The following BTRC variants were observed in gnomAD, a reference collection of about 807,000 sequenced individuals.
BTRC encodes beta-transducin repeat containing E3 ubiquitin protein ligase.
Under a neutral mutation model 85.5 loss-of-function variants are expected in BTRC, and 42 were observed. The observed-to-expected ratio is 0.49, with a 90% CI of 0.38 to 0.64. The LOEUF is 0.64. Ranked by LOEUF, BTRC falls within the 30% of genes least tolerant of loss-of-function variation. The probability of loss-of-function intolerance (pLI) is 0.00; values close to 1 mark genes in which losing one functional copy is unlikely to be tolerated. For synonymous variants in BTRC, 255 were observed against 263.3 expected (o/e 0.97, Z 0.30); for missense variants, 594 against 743.5 (o/e 0.80, Z 2.34).
chr10:101,378,528 T>G (rs911969602), intron 1 of BTRC, among the ~76,000 whole-genome samples: 6 of 147,576 alleles, frequency 4.1e-5, no homozygotes, highest in Non-Finnish European at 7.5e-5. Context: ...TAATTTTTTT[T>G]TTTTTTTTTT....
intron 4 of BTRC, among the ~76,000 whole-genome samples, chr10:101,507,669 A>C (rs956331013): frequency 6.6e-6 from 1 of 152,058 alleles, no homozygotes. Context: ...TTGCTGAAGG[A>C]TGTTGGAATA....
intron 1 of BTRC, among the ~76,000 whole-genome samples, chr10:101,371,483 T>G (rs1942634119): frequency 6.6e-6 from 1 of 152,178 alleles, no homozygotes; most frequent in South Asian, 2.1e-4. Flanking sequence ...AGCCTTCTAT[T>G]TTTTTTCCTA....
intron 2 of BTRC, among the ~76,000 whole-genome samples, chr10:101,434,553 A>C (rs1187596234): frequency 6.6e-6 from 1 of 152,186 alleles, no homozygotes; most frequent in Non-Finnish European, 1.5e-5. Context: ...AAGATACAAA[A>C]AATATGAACC....
chr10:101,546,140 T>C (rs899680357), intron 13 of BTRC, among the ~76,000 whole-genome samples: 1 of 152,222 alleles, frequency 6.6e-6, no homozygotes, highest in Non-Finnish European at 1.5e-5. Context: ...TTGACAACTA[T>C]AGAATGCTTC....
At chr10:101,452,629 A>G (rs969847513) in intron 2 of BTRC, among the ~76,000 whole-genome samples, 36 of 152,158 alleles carry the variant, frequency 2.4e-4, no homozygotes, top group African/African-American at 8.2e-4. Context: ...GGAGTAAGGC[A>G]GTGCTAATGG....
At chr10:101,521,924 A>G (rs981042118) in intron 5 of BTRC, 54 bp downstream of exon 5, 2 of 1,374,128 alleles carry the variant, frequency 1.5e-6, no homozygotes, top group Non-Finnish European at 2.0e-6. Context: ...TAAGAGAACT[A>G]GATCTCCAGC....
intron 1 of BTRC, among the ~76,000 whole-genome samples, chr10:101,408,649 T>C (rs1160205815): frequency 6.6e-6 from 1 of 152,248 alleles, no homozygotes; most frequent in Non-Finnish European, 1.5e-5. Flanking sequence ...TTTGGATTTA[T>C]TTTTTGTTAC....
intron 2 of BTRC, among the ~76,000 whole-genome samples, chr10:101,457,473 T>A (rs540096118): frequency 1.3e-5 from 2 of 152,328 alleles, no homozygotes; most frequent in East Asian, 3.9e-4. Context: ...GGTGCACAAT[T>A]GAAAACTATT....
intron 2 of BTRC, among the ~76,000 whole-genome samples, chr10:101,450,402 AAGC>A (rs1944929624): frequency 6.6e-6 from 1 of 152,164 alleles, no homozygotes; most frequent in Non-Finnish European, 1.5e-5. Context: ...AGTTAAGAGA[AAGC>A]AGCACTGCTC....
At chr10:101,508,254 A>C (rs895570510) in intron 4 of BTRC, among the ~76,000 whole-genome samples, 3 of 152,150 alleles carry the variant, frequency 2.0e-5, no homozygotes, top group Non-Finnish European at 4.4e-5. Context: ...ATGTCAGTTC[A>C]TTTCCTACTG....
intron 1 of BTRC, among the ~76,000 whole-genome samples, chr10:101,422,622 C>A (rs1944134790): frequency 6.6e-6 from 1 of 152,142 alleles, no homozygotes; most frequent in South Asian, 2.1e-4. Flanking sequence ...TAAGTCTTTA[C>A]TCCACCTTGA....
chr10:101,549,712 T>TAAAAAAAAAAAAAA (rs2062617647), intron 13 of BTRC, among the ~76,000 whole-genome samples: 1 of 12,974 alleles, frequency 7.7e-5, no homozygotes, highest in Non-Finnish European at 1.0e-4. Flanking sequence ...AGACTCTGTC[T>TAAAAAAAAAAAAAA]CAAAAAAAAA....
intron 1 of BTRC, among the ~76,000 whole-genome samples, chr10:101,358,539 T>C (rs1274611007): frequency 6.6e-6 from 1 of 152,214 alleles, no homozygotes; most frequent in Non-Finnish European, 1.5e-5. Flanking sequence ...TGAAACAGTA[T>C]AAAGGGTAAA....
At chr10:101,419,807 G>A (rs1285958305) in intron 1 of BTRC, among the ~76,000 whole-genome samples, 2 of 152,034 alleles carry the variant, frequency 1.3e-5, no homozygotes, top group Admixed American at 6.6e-5. Context: ...CTCAAATGTA[G>A]CCTGCCTCAG....
chr10:101,413,889 A>G (rs1374353929), intron 1 of BTRC, among the ~76,000 whole-genome samples: 1 of 151,864 alleles, frequency 6.6e-6, no homozygotes, highest in Non-Finnish European at 1.5e-5. Flanking sequence ...TAACTTTTTA[A>G]TCTGTTTTGT....
chr10:101,407,751 T>G (rs1014881427), intron 1 of BTRC, among the ~76,000 whole-genome samples: 2 of 145,410 alleles, frequency 1.4e-5, no homozygotes, highest in Non-Finnish European at 3.0e-5. Flanking sequence ...TGTGAGACAG[T>G]CTCGTTCTGT....
intron 1 of BTRC, among the ~76,000 whole-genome samples, chr10:101,363,031 A>C (rs1049545638): frequency 6.6e-6 from 1 of 152,164 alleles, no homozygotes; most frequent in Non-Finnish European, 1.5e-5. Context: ...CGATGGGAGG[A>C]TCCTGGAACC....
chr10:101,516,066 A>G lies in BTRC; in HGVS notation c.325-5573A>G, dbSNP rs181585489. ...AGTACATTTAAGATTAAGCATTTCT[A>G]TTTATGTTATACTTTAATGAAAATT... On this transcript the variant is annotated intron_variant, in intron 4 of 14. Transcript: ENST00000370187. Among the ~76,000 whole-genome samples the G allele has an allele frequency of 1.8e-3, 280 of 152,232 alleles. 10 individuals carry two copies. Among genetic ancestry groups the G allele is most frequent in the Admixed American group, 0.016 (240 of 15,280 alleles).
chr10:101,397,901 A>T lies in BTRC; in HGVS notation c.49-32444A>T, dbSNP rs563899945. 3.3e-5 allele frequency among the ~76,000 whole-genome samples: 5 copies of T among 152,370 alleles called. No individual in the cohort carries two copies. The East Asian group carries it at 9.6e-4, about 29-fold the overall frequency. On this transcript the variant is annotated intron_variant, in intron 1 of 14. Transcript: ENST00000370187. The stretch of plus-strand genomic sequence containing the variant: ...TAAATTTATTTTAGCTCTATCTTTC[A>T]AACTTTCTCTGTAATCAAAGCTTCT...
Sources: gnomAD v4.1 joint callset for allele counts (sites outside exome capture counted in the v4.1 genomes callset) on GRCh38, gnomAD v4.1.1 for gene constraint, MANE v1.5 for transcripts, NCBI Gene and HGNC (gene_info 2026-07-23, HGNC 2026-07-21) for gene names.